STK32A: variants seen among roughly 807,000 people sequenced by gnomAD.
STK32A encodes serine/threonine kinase 32A, also known as serine/threonine-protein kinase 32A.
A neutral mutation model predicts 53.2 loss-of-function variants in STK32A; 41 were observed. That is an observed-to-expected ratio of 0.77 (90% CI 0.60 to 1.00). STK32A has a LOEUF of 1.00. Among genes scored for constraint, STK32A ranks in the 50% least tolerant of loss-of-function variants. The pLI, the probability that STK32A is intolerant of heterozygous loss-of-function variation, is 0.00. For synonymous variants in STK32A, 166 were observed against 162.8 expected (o/e 1.02, Z -0.15); for missense variants, 458 against 485.8 (o/e 0.94, Z 0.54).
the STK32A span, chr5:147,400,887 G>A: frequency 6.3e-7 from 1 of 1,588,940 alleles, no homozygotes; most frequent in Non-Finnish European, 8.6e-7. Flanking sequence ...GAGGCACACT[G>A]GGAGCTTAGA....
At chr5:147,250,776 C>T (rs1165616661) in intron 2 of STK32A, among the ~76,000 whole-genome samples, 2 of 143,394 alleles carry the variant, frequency 1.4e-5, no homozygotes, top group Non-Finnish European at 1.5e-5. Flanking sequence ...CCCATCTCTA[C>T]TAAAAATACA....
the STK32A span, chr5:147,398,942 A>T: frequency 8.5e-7 from 1 of 1,176,328 alleles, no homozygotes; most frequent in Non-Finnish European, 1.2e-6. Context: ...GTTTTGAGCC[A>T]CTGAGATTTA....
intron 2 of STK32A, among the ~76,000 whole-genome samples, chr5:147,260,054 C>A (rs569501868): frequency 6.9e-6 from 1 of 145,724 alleles, no homozygotes; most frequent in East Asian, 2.1e-4. Flanking sequence ...TCTCTCCTCT[C>A]TCTCTCTCCC....
intron 11 of STK32A, among the ~76,000 whole-genome samples, chr5:147,379,694 C>T (rs1757378541): frequency 6.6e-6 from 1 of 152,170 alleles, no homozygotes. Context: ...CCCAGTCTGT[C>T]TGACAATTGA....
rs773590162 is a variant in STK32A, at chr5:147,279,404, T to C, written c.260+6T>C. 14 of 1,566,746 alleles carry C rather than the reference T, an allele frequency of 8.9e-6. No individual in the cohort carries two copies. The highest frequency in any genetic ancestry group is 2.6e-6 in the Non-Finnish European group (3 of 1,155,406). On this transcript the variant is annotated splice_donor_region_variant and intron_variant, in intron 4 of 12. Coordinates refer to ENST00000397936, the MANE Select transcript of STK32A (RefSeq NM_001112724.2). ...CCTTTCCTGGTTAATTTGTGGTGAG[T>C]AATTTTACTGGACCTCTGAATAGAG...
At chr5:147,318,557 G>A (rs758291097) in intron 4 of STK32A, among the ~76,000 whole-genome samples, 78 of 151,614 alleles carry the variant, frequency 5.1e-4, no homozygotes, top group Non-Finnish European at 9.9e-4. Context: ...TTGAGGCCAG[G>A]AGTTTGAGAC....
Position 147,384,568 on chromosome 5 carries a change from C to T in STK32A, c.*585C>T, listed in dbSNP as rs1308057419. On this transcript the variant is annotated 3_prime_UTR_variant, in exon 13 of 13. Transcript: ENST00000397936. Reference sequence around the variant, plus strand: ...TGATATGCGTGAATCAGCATTAGATCCGCTTATCTCAGCTGGCAGGAGCCT... The same window carrying T: ...TGATATGCGTGAATCAGCATTAGATTCGCTTATCTCAGCTGGCAGGAGCCT... 1 of 684,220 alleles carries T rather than the reference C, an allele frequency of 1.5e-6. No homozygotes were observed. Among genetic ancestry groups the T allele is most frequent in the African/African-American group, 1.8e-5 (1 of 55,326 alleles). 42.4% of individuals were successfully genotyped at this position (684,220 alleles called of 1,614,324 possible).
chr5:147,241,341 T>G (rs964371943), intron 2 of STK32A, among the ~76,000 whole-genome samples: 1 of 151,838 alleles, frequency 6.6e-6, no homozygotes, highest in Non-Finnish European at 1.5e-5. Context: ...TAGCCGGGCG[T>G]GGTGGTGGAC....
intron 4 of STK32A, among the ~76,000 whole-genome samples, chr5:147,302,752 G>A (rs1024516890): frequency 2.0e-5 from 3 of 152,088 alleles, no homozygotes; most frequent in Non-Finnish European, 2.9e-5. Context: ...CATGCCATGC[G>A]ACTCACTCAG....
Position 147,373,179 on chromosome 5 carries a change from C to A in STK32A, c.788C>A (p.Pro263His). 1.2e-6 allele frequency: 2 copies of A among 1,613,244 alleles called. No homozygotes were observed. The highest frequency in any genetic ancestry group is 3.3e-5 in the Admixed American group (2 of 59,978). ...GCATTTTATTGGCAGCTACTCGAAC[C>A]TAATCCAGACCAACGATTTTCTCAG... ...MVSLLKKLLE[P>H]NPDQRFSQLS... Residue 263 changes from proline to histidine, a missense_variant, in exon 10 of 13, where the codon CCT becomes CAT. Transcript: ENST00000397936.
intron 5 of STK32A, among the ~76,000 whole-genome samples, chr5:147,336,849 G>A (rs1427482674): frequency 1.3e-5 from 2 of 152,086 alleles, no homozygotes; most frequent in Non-Finnish European, 2.9e-5. Flanking sequence ...CCCCTCTCCA[G>A]AACTTGGCGA....
intron 8 of STK32A, among the ~76,000 whole-genome samples, chr5:147,365,285 T>TTGTA: frequency 6.6e-6 from 1 of 152,312 alleles, no homozygotes; most frequent in South Asian, 2.1e-4. Flanking sequence ...ATCTGTTTCA[T>TTGTA]TCACTCTGCA....
chr5:147,384,042 C>A lies in STK32A; in HGVS notation c.*59C>A. 2 of 1,554,538 alleles carry A rather than the reference C, an allele frequency of 1.3e-6. No individual in the cohort carries two copies. The highest frequency in any genetic ancestry group is 2.2e-5 in the Admixed American group (1 of 45,208). On this transcript the variant is annotated 3_prime_UTR_variant, in exon 13 of 13. Coordinates refer to ENST00000397936, the MANE Select transcript of STK32A (RefSeq NM_001112724.2). ...GCCAGAAACTTCTAATTACATATGTCAAGAAAAGCTGACAGTAGTTCTTGC... is the reference window on the plus strand; with the variant it reads ...GCCAGAAACTTCTAATTACATATGTAAAGAAAAGCTGACAGTAGTTCTTGC...
chr5:147,336,203 G>A (rs1755112052), intron 5 of STK32A, among the ~76,000 whole-genome samples: 1 of 152,088 alleles, frequency 6.6e-6, no homozygotes, highest in Non-Finnish European at 1.5e-5. Context: ...ACACAGTATA[G>A]CCTATACAGG....
Position 147,279,307 on chromosome 5 carries a change from C to A in STK32A, c.169C>A (p.Gln57Lys), listed in dbSNP as rs1751922479. The A allele has an allele frequency of 6.2e-7, 1 of 1,613,788 alleles. No individual in the cohort carries two copies. Among genetic ancestry groups the A allele is most frequent in the Admixed American group, 1.7e-5 (1 of 59,996 alleles). Residue 57 changes from glutamine to lysine, a missense_variant, in exon 4 of 13, where the codon CAA becomes AAA. Transcript: ENST00000397936. ...KMYAMKYMNK[Q>K]KCVERNEVRN... ...GTACGCAATGAAGTACATGAATAAACAAAAGTGCGTGGAGCGCAATGAAGT... is the reference window on the plus strand; with the variant it reads ...GTACGCAATGAAGTACATGAATAAAAAAAAGTGCGTGGAGCGCAATGAAGT...
intron 6 of STK32A, among the ~76,000 whole-genome samples, chr5:147,345,780 C>T (rs1242836692): frequency 1.3e-5 from 2 of 151,806 alleles, no homozygotes; most frequent in Admixed American, 6.6e-5. Context: ...CTCAGTCTGC[C>T]CCTATTACCT....
At chr5:147,265,646 T>C (rs1754771683) in intron 2 of STK32A, among the ~76,000 whole-genome samples, 2 of 151,984 alleles carry the variant, frequency 1.3e-5, no homozygotes, top group African/African-American at 4.8e-5. Context: ...TGGGACTGAG[T>C]CCCAAGCTTC....
chr5:147,297,850 C>T (rs532875316), intron 4 of STK32A, among the ~76,000 whole-genome samples: 2 of 151,952 alleles, frequency 1.3e-5, no homozygotes, highest in African/African-American at 2.4e-5. Context: ...TGTGGTGGCA[C>T]GTGCCTGTAA....
intron 2 of STK32A, among the ~76,000 whole-genome samples, chr5:147,264,459 G>C (rs1754719688): frequency 6.6e-6 from 1 of 152,170 alleles, no homozygotes; most frequent in African/African-American, 2.4e-5. Flanking sequence ...AGGAGATGTA[G>C]AAAAGTCAAC....
Sources: allele counts gnomAD v4.1 joint callset (sites outside exome capture counted in the v4.1 genomes callset), GRCh38; gene constraint gnomAD v4.1.1; transcripts MANE v1.5; gene names NCBI Gene and HGNC (gene_info 2026-07-23, HGNC 2026-07-21).